The following EYS variants were observed in gnomAD, a reference collection of about 807,000 sequenced individuals.
EYS encodes protein eyes shut homolog.
Under a neutral mutation model 282.1 loss-of-function variants are expected in EYS, and 250 were observed. That is an observed-to-expected ratio of 0.89 (90% CI 0.80 to 0.98). The LOEUF is 0.98. Ranked by LOEUF, EYS falls within the 50% of genes least tolerant of loss-of-function variation. The pLI, the probability that EYS is intolerant of heterozygous loss-of-function variation, is 0.00. For missense variants in EYS, 4,016 were observed against 3,709.0 expected (o/e 1.08, Z -2.15); for synonymous variants, 1,355 against 1,282.9 (o/e 1.06, Z -1.20).
Position 65,272,316 on chromosome 6 carries a change from T to G in EYS, c.2023+23547A>C, listed in dbSNP as rs541846332. On this transcript the variant is annotated intron_variant, in intron 12 of 42. Coordinates refer to ENST00000503581, the MANE Select transcript of EYS (RefSeq NM_001142800.2). Reference sequence around the variant, plus strand: ...AAATAGTGTCATTATGAGAGGAGAGTGTTCCCTTGACTTTGACCCCCTTGA... The same window carrying G: ...AAATAGTGTCATTATGAGAGGAGAGGGTTCCCTTGACTTTGACCCCCTTGA... Among the ~76,000 whole-genome samples, 5 of 151,840 alleles carry G rather than the reference T, an allele frequency of 3.3e-5. No individual in the cohort carries two copies. The South Asian group carries it at 1.0e-3, about 32-fold the overall frequency.
At chr6:64,246,791 A>G (rs1487897767) in intron 30 of EYS, among the ~76,000 whole-genome samples, 4 of 152,212 alleles carry the variant, frequency 2.6e-5, no homozygotes, top group African/African-American at 9.6e-5. Flanking sequence ...ATATAAAAGC[A>G]ATGAACCCCT....
chr6:64,506,226 TAGTC>T (rs1384868572), intron 26 of EYS, among the ~76,000 whole-genome samples: 3 of 151,934 alleles, frequency 2.0e-5, no homozygotes. Context: ...GCATTTAACA[TAGTC>T]AGTAAATTTA....
At chr6:63,738,126 T>G (rs2149639645) in intron 41 of EYS, among the ~76,000 whole-genome samples, 1 of 152,304 alleles carries the variant, frequency 6.6e-6, no homozygotes, top group African/African-American at 2.4e-5. Flanking sequence ...GGAACACTTT[T>G]ACACTGTTGG....
rs527824139 is a variant in EYS, at chr6:65,494,516, C to G, written c.748+147G>C. 73 of 651,882 alleles carry G rather than the reference C, an allele frequency of 1.1e-4. No individual in the cohort carries two copies. The African/African-American group carries it at 1.3e-3, about 12-fold the overall frequency. The allele number at this position is 651,882 out of a possible 1,614,324, so 40.4% of individuals were successfully genotyped here. A position where few individuals can be genotyped will look rare whatever the true frequency, so the allele number is the denominator to read the frequency against. On this transcript the variant is annotated intron_variant, in intron 4 of 42. Transcript: ENST00000503581. Reference sequence around the variant, plus strand: ...CAGGATGGTCTCGCTCTCCTGACCTCGTGATCCACCCACCTCGGCCTCCCA... The same window carrying G: ...CAGGATGGTCTCGCTCTCCTGACCTGGTGATCCACCCACCTCGGCCTCCCA...
At chr6:65,016,364 G>A (rs1208104975) in intron 13 of EYS, among the ~76,000 whole-genome samples, 2 of 152,170 alleles carry the variant, frequency 1.3e-5, no homozygotes, top group Non-Finnish European at 1.5e-5. Context: ...TTTAAGAGCT[G>A]TAAGTGGATA....
At chr6:63,757,441 C>T (rs1769518525) in intron 41 of EYS, among the ~76,000 whole-genome samples, 1 of 152,052 alleles carries the variant, frequency 6.6e-6, no homozygotes, top group Non-Finnish European at 1.5e-5. Flanking sequence ...TGAACATAGA[C>T]CCTTATCAGG....
At chr6:63,963,529 C>G (rs541477165) in intron 35 of EYS, among the ~76,000 whole-genome samples, 1 of 152,266 alleles carries the variant, frequency 6.6e-6, no homozygotes, top group Admixed American at 6.5e-5. Flanking sequence ...AATGGCATTG[C>G]TTTCTGCTCC....
intron 31 of EYS, among the ~76,000 whole-genome samples, chr6:64,085,340 G>GCA (rs71551560): frequency 0.13 from 18,112 of 139,784 alleles, 1,176 homozygotes; most frequent in Non-Finnish European, 0.14. Flanking sequence ...ACGTGCGCGC[G>GCA]CACACACACA....
At chr6:63,977,146 A>T (rs1331287939) in intron 35 of EYS, among the ~76,000 whole-genome samples, 1 of 151,744 alleles carries the variant, frequency 6.6e-6, no homozygotes, top group Non-Finnish European at 1.5e-5. Flanking sequence ...ATATGCAGTA[A>T]TCTATATATA....
At chr6:63,824,598 G>T (rs1281148556) in intron 36 of EYS, among the ~76,000 whole-genome samples, 1 of 152,190 alleles carries the variant, frequency 6.6e-6, no homozygotes, top group Non-Finnish European at 1.5e-5. Context: ...GTGGGAAAAG[G>T]AGACCCTCCT....
At chr6:65,706,182 A>G (rs1305025563) in intron 1 of EYS, among the ~76,000 whole-genome samples, 1 of 148,848 alleles carries the variant, frequency 6.7e-6, no homozygotes, top group Non-Finnish European at 1.5e-5. Context: ...GATATAGATG[A>G]TATGAGTATA....
In EYS at chr6:64,311,872, A is replaced by G. The variant is rs984332184; in HGVS notation, c.6079-4790T>C. 2.0e-5 allele frequency among the ~76,000 whole-genome samples: 3 copies of G among 152,126 alleles called. No homozygotes were observed. In the South Asian group the frequency reaches 6.2e-4, roughly 32 times the overall value. On this transcript the variant is annotated intron_variant, in intron 29 of 42. Coordinates refer to ENST00000503581, the MANE Select transcript of EYS (RefSeq NM_001142800.2). ...CTGTGCTTTTCCCACAGTCTTCACA[A>G]CCGGCAGACCAGGAGACTCCCTCTG...
intron 36 of EYS, among the ~76,000 whole-genome samples, chr6:63,815,016 C>T (rs1392261780): frequency 6.6e-6 from 1 of 152,120 alleles, no homozygotes; most frequent in Non-Finnish European, 1.5e-5. Context: ...TTTCTTCATG[C>T]CCGTGAATAT....
At chr6:65,232,430 T>C (rs1321625922) in intron 12 of EYS, among the ~76,000 whole-genome samples, 1 of 152,108 alleles carries the variant, frequency 6.6e-6, no homozygotes, top group Admixed American at 6.6e-5. Flanking sequence ...CTTTCAATTA[T>C]TTTCCAAAAT....
chr6:63,921,090 G>T (rs1475050100), intron 35 of EYS, among the ~76,000 whole-genome samples: 1 of 152,136 alleles, frequency 6.6e-6, no homozygotes, highest in East Asian at 1.9e-4. Flanking sequence ...TAGAGACAGG[G>T]TTTCACCGTG....
chr6:65,520,298 T>C (rs1475052925), intron 2 of EYS, among the ~76,000 whole-genome samples: 1 of 152,114 alleles, frequency 6.6e-6, no homozygotes. Context: ...GAAACTCAAT[T>C]TGATTTCCAC....
chr6:65,000,229 CT>C (rs1013055496), intron 13 of EYS, among the ~76,000 whole-genome samples: 6 of 152,326 alleles, frequency 3.9e-5, no homozygotes, highest in African/African-American at 9.6e-5. Flanking sequence ...GCCACTCCCC[CT>C]GTCACACACC....
chr6:64,187,593 A>C (rs905060567), intron 31 of EYS, among the ~76,000 whole-genome samples: 1 of 152,118 alleles, frequency 6.6e-6, no homozygotes, highest in Non-Finnish European at 1.5e-5. Flanking sequence ...TACAGTTTGG[A>C]GGAATGAAGA....
intron 33 of EYS, among the ~76,000 whole-genome samples, chr6:64,051,883 A>G (rs1206277397): frequency 6.6e-6 from 1 of 152,174 alleles, no homozygotes; most frequent in African/African-American, 2.4e-5. Context: ...AAAGGTAGCC[A>G]TATGTCACCT....
Sources: allele counts gnomAD v4.1 joint callset (sites outside exome capture counted in the v4.1 genomes callset), GRCh38; gene constraint gnomAD v4.1.1; transcripts MANE v1.5; gene names NCBI Gene and HGNC (gene_info 2026-07-23, HGNC 2026-07-21).